The following SLC26A6 variants were observed in gnomAD, a reference collection of about 807,000 sequenced individuals.
The protein encoded by SLC26A6 is solute carrier family 26 member 6.
SLC26A6 carries 67 observed loss-of-function variants against 87.1 expected under a neutral mutation model. That is an observed-to-expected ratio of 0.77 (90% CI 0.63 to 0.94). The LOEUF (loss-of-function observed/expected upper bound fraction) is 0.94, where lower values mean the gene tolerates loss of function less well. Among genes scored for constraint, SLC26A6 ranks in the 40% least tolerant of loss-of-function variants. The pLI is 0.00. For missense variants in SLC26A6, 902 were observed against 973.0 expected (o/e 0.93, Z 0.97); for synonymous variants, 414 against 405.9 (o/e 1.02, Z -0.24).
chr3:48,634,545 C>G (rs2046900855), intron 1 of SLC26A6, among the ~76,000 whole-genome samples: 1 of 152,190 alleles, frequency 6.6e-6, no homozygotes, highest in Non-Finnish European at 1.5e-5. Flanking sequence ...AGAGAAAGCT[C>G]TGACCTCGGG....
At chr3:48,634,415 T>C (rs1295840254) in intron 1 of SLC26A6, 1 of 152,220 alleles carries the variant, frequency 6.6e-6, no homozygotes, top group Non-Finnish European at 1.5e-5. Context: ...CCTGGCAAGT[T>C]CTGATACAGG....
chr3:48,632,217 G>T (rs1408656996), intron 5 of SLC26A6, 28 bp downstream of exon 5: 1 of 1,571,828 alleles, frequency 6.4e-7, no homozygotes, highest in African/African-American at 1.3e-5. Context: ...GTGGTGGTGG[G>T]GGGCACATAC....
chr3:48,629,501 C>T, intron 14 of SLC26A6, 141 bp downstream of exon 14: 2 of 876,728 alleles, frequency 2.3e-6, no homozygotes, highest in Non-Finnish European at 3.5e-6. Context: ...TAGACCTAAA[C>T]TCCTCCCTTG....
In SLC26A6 at chr3:48,633,320, G is replaced by T; in HGVS notation, c.253C>A (p.Pro85Thr). 6.2e-7 allele frequency: 1 copy of T among 1,613,626 alleles called. No homozygotes were observed. Among genetic ancestry groups the T allele is most frequent in the Non-Finnish European group, 8.5e-7 (1 of 1,180,012 alleles). ...LPVLVWLPRY[P>T]VRDWLLGDLL... ...TCACCCAGGAGCCAGTCACGCACAGGATACCGGGGTAACCAGACCAAAACC... is the reference window on the plus strand; with the variant it reads ...TCACCCAGGAGCCAGTCACGCACAGTATACCGGGGTAACCAGACCAAAACC... Residue 85 changes from proline to threonine, a missense_variant, in exon 3 of 21, where the codon CCT (proline) becomes ACT (threonine). Pro to Thr is a conservative substitution (Grantham distance 38). This residue lies in a region of SLC26A6 where 800 missense variants were observed against 856.8 expected (regional missense o/e 0.93). Transcript: ENST00000395550.
rs1380417990 is a variant in SLC26A6 at position 48,628,557 on chromosome 3, A to C, written c.1693-16T>G. 4 of 1,614,078 alleles carry C rather than the reference A, an allele frequency of 2.5e-6. No homozygotes were observed. Among genetic ancestry groups the C allele is most frequent in the Non-Finnish European group, 3.4e-6 (4 of 1,179,978 alleles). On this transcript the variant is annotated splice_polypyrimidine_tract_variant and intron_variant, in intron 15 of 20. Transcript: ENST00000395550. The surrounding 1 kb of genome is among the most constrained non-coding windows in gnomAD (Gnocchi z 4.4). ...CCACACCACACTGGAGGCAAACATC[A>C]GAGAAGGGTTGGTGAGCTCTCTGGG...
Position 48,628,038 on chromosome 3 carries a change from C to T in SLC26A6, c.1801G>A (p.Ala601Thr). 1 of 1,571,120 alleles carries T rather than the reference C, an allele frequency of 6.4e-7. No homozygotes were observed. The highest frequency in any genetic ancestry group is 2.3e-5 in the East Asian group (1 of 43,288). The change falls in exon 17 of 21, where the codon GCT becomes ACT. Residue 601 changes from alanine to threonine, a missense_variant and splice_region_variant. Physicochemically the swap from Ala to Thr is moderately conservative, Grantham distance 58. This residue lies in a region of SLC26A6 where 800 missense variants were observed against 856.8 expected (regional missense o/e 0.93). Coordinates refer to ENST00000395550, the MANE Select transcript of SLC26A6 (RefSeq NM_022911.3). This position sits in a 1 kb window ranked among gnomAD's most constrained non-coding sequence, Gnocchi z 4.4. ...ACTGAGGCGCCCTTGGGGGAGGCAGCCTACACCAGGGAAGACAGGGAATGG... is the reference window on the plus strand; with the variant it reads ...ACTGAGGCGCCCTTGGGGGAGGCAGTCTACACCAGGGAAGACAGGGAATGG... ...LQKEEKLRKQ[A>T]ASPKGASVSI...
intron 11 of SLC26A6, 132 bp from the exon 12 acceptor site, chr3:48,630,289 G>A: frequency 7.7e-7 from 1 of 1,305,314 alleles, no homozygotes; most frequent in Non-Finnish European, 1.1e-6. Flanking sequence ...CCCAGCCCCT[G>A]ACCCTTGTCT....
rs1364432516 is a variant in SLC26A6 at position 48,628,992 on chromosome 3, T to G, written c.1600-278A>C. ...TCTTGGGTTTCCAACCCCTGCCTTG[T>G]GTTCTGTTTTCTGCACCCAGACAGA... On this transcript the variant is annotated intron_variant, in intron 14 of 20. Coordinates refer to ENST00000395550, the MANE Select transcript of SLC26A6 (RefSeq NM_022911.3). This position sits in a 1 kb window ranked among gnomAD's most constrained non-coding sequence, Gnocchi z 4.4. 6.6e-6 allele frequency among the ~76,000 whole-genome samples: 1 copy of G among 152,144 alleles called. No individual in the cohort carries two copies. The highest frequency in any genetic ancestry group is 1.5e-5 in the Non-Finnish European group (1 of 68,018).
chr3:48,628,027 G>T lies in SLC26A6; in HGVS notation c.1812C>A (p.Pro604=), dbSNP rs528062612. 2 of 1,578,094 alleles carry T rather than the reference G, an allele frequency of 1.3e-6. No individual in the cohort carries two copies. The highest frequency in any genetic ancestry group is 1.2e-5 in the South Asian group (1 of 84,806). ...EEKLRKQAAS[P]KGASVSINVN... is the part of the protein sequence containing the mutation. ...CATTAATGGAAACTGAGGCGCCCTT[G>T]GGGGAGGCAGCCTACACCAGGGAAG... The change falls in exon 17 of 21, where the codon CCC becomes CCA. Residue 604 remains proline, a synonymous_variant. Coordinates refer to ENST00000395550, the MANE Select transcript of SLC26A6 (RefSeq NM_022911.3). This position sits in a 1 kb window ranked among gnomAD's most constrained non-coding sequence, Gnocchi z 4.4.
intron 1 of SLC26A6, chr3:48,634,845 C>T (rs562632059): frequency 1.3e-6 from 1 of 754,360 alleles, no homozygotes; most frequent in African/African-American, 1.9e-5. Flanking sequence ...GCCCCCTCTC[C>T]TTTCCTACGT....
At position 48,635,403 on chromosome 3, in the gene SLC26A6, G is replaced by A. The variant is rs150438742; in HGVS notation, c.-10C>T. 11,499 of 1,582,488 alleles carry A rather than the reference G, an allele frequency of 7.3e-3. 61 individuals carry two copies. Among genetic ancestry groups the A allele is most frequent in the Non-Finnish European group, 8.4e-3 (9,806 of 1,165,532 alleles). On this transcript the variant is annotated 5_prime_UTR_variant, in exon 1 of 21. Coordinates refer to ENST00000395550, the MANE Select transcript of SLC26A6 (RefSeq NM_022911.3). ...CATCCGCCAGCCCCATGGCTCGCAA[G>A]TTGTCCGGTGCGGGCTGCTCCTGCT...
chr3:48,633,674 C>T (rs1389473423), intron 1 of SLC26A6, 39 bp from the exon 2 acceptor site: 1 of 1,604,882 alleles, frequency 6.2e-7, no homozygotes, highest in South Asian at 1.1e-5. Flanking sequence ...TGAAGGCATC[C>T]CTGGCCCAAC....
In SLC26A6 at chr3:48,628,573, G is replaced by A; in HGVS notation, c.1693-32C>T. On this transcript the variant is annotated intron_variant, in intron 15 of 20. Coordinates refer to ENST00000395550, the MANE Select transcript of SLC26A6 (RefSeq NM_022911.3). This position sits in a 1 kb window ranked among gnomAD's most constrained non-coding sequence, Gnocchi z 4.4. Reference sequence around the variant, plus strand: ...GCAAACATCAGAGAAGGGTTGGTGAGCTCTCTGGGAGCTGGGGCCTGACAC... The same window carrying A: ...GCAAACATCAGAGAAGGGTTGGTGAACTCTCTGGGAGCTGGGGCCTGACAC... 1 of 1,614,028 alleles carries A rather than the reference G, an allele frequency of 6.2e-7. No homozygotes were observed.
At position 48,629,673 on chromosome 3, in the gene SLC26A6, T is replaced by G. The variant is rs2046724810; in HGVS notation, c.1568A>C (p.Asp523Ala). The G allele has an allele frequency of 6.2e-7, 1 of 1,613,406 alleles. No individual in the cohort carries two copies. Among genetic ancestry groups the G allele is most frequent in the African/African-American group, 1.3e-5 (1 of 74,964 alleles). ...YSVLGQVPDT[D>A]IYRDVAEYSE... ...GTACTCTGCCACATCTCTGTAAATATCCGTGTCTGGCACCTGCCCCAGGAC... is the reference window on the plus strand; with the variant it reads ...GTACTCTGCCACATCTCTGTAAATAGCCGTGTCTGGCACCTGCCCCAGGAC... Residue 523 changes from aspartate (D) to alanine (A), a missense_variant, in exon 14 of 21, where the codon GAT becomes GCT. Around this residue, in one of 3 missense-constraint regions of SLC26A6, gnomAD observed 800 missense variants for 856.8 expected, o/e 0.93. Transcript: ENST00000395550.
rs775475155 is a variant in SLC26A6 at position 48,631,974 on chromosome 3, G to A, written c.656C>T (p.Thr219Ile). 7 of 1,613,398 alleles carry A rather than the reference G, an allele frequency of 4.3e-6. No individual in the cohort carries two copies. Among genetic ancestry groups the A allele is most frequent in the Non-Finnish European group, 5.9e-6 (7 of 1,180,026 alleles). ...GAAGACCTGCACAGCTGCAGCTGTG[G>A]TATAGCCTCGGACAAGAGGTTCTGA... is the stretch of plus-strand genomic sequence containing the variant. Reference protein sequence around the residue: ...YLSEPLVRGYTTAAAVQVFVS... With the variant: ...YLSEPLVRGYITAAAVQVFVS... Residue 219 changes from threonine (T) to isoleucine (I), a missense_variant, in exon 6 of 21, where the codon ACC becomes ATC. Thr to Ile is a moderately conservative substitution (Grantham distance 89). Around this residue, in one of 3 missense-constraint regions of SLC26A6, gnomAD observed 800 missense variants for 856.8 expected, o/e 0.93. Transcript: ENST00000395550.
At chr3:48,626,402 C>T in intron 19 of SLC26A6, 48 bp from the exon 20 acceptor site, 1 of 1,612,478 alleles carries the variant, frequency 6.2e-7, no homozygotes, top group Non-Finnish European at 8.5e-7. Flanking sequence ...CCTCTAGGAA[C>T]TCAACTCCCG....
chr3:48,634,563 C>G (rs2046901786), intron 1 of SLC26A6, among the ~76,000 whole-genome samples: 1 of 152,138 alleles, frequency 6.6e-6, no homozygotes, highest in African/African-American at 2.4e-5. Context: ...GGGCGAGGCT[C>G]CCACGTGGAA....
In SLC26A6 at chr3:48,628,331, G is replaced by C; in HGVS notation, c.1800+103C>G. The stretch of plus-strand genomic sequence containing the variant: ...TGGGAGCATGAGGGAGAAAGGGGAA[G>C]GGATGAGGAGTGAGGACGAGGGAGG... On this transcript the variant is annotated intron_variant, in intron 16 of 20. Transcript: ENST00000395550. The surrounding 1 kb of genome is among the most constrained non-coding windows in gnomAD (Gnocchi z 4.4). 2 of 1,461,598 alleles carry C rather than the reference G, an allele frequency of 1.4e-6. No homozygotes were observed. Among genetic ancestry groups the C allele is most frequent in the Non-Finnish European group, 1.9e-6 (2 of 1,064,864 alleles). 90.5% of individuals were successfully genotyped at this position (1,461,598 alleles called of 1,614,324 possible). A position where few individuals can be genotyped will look rare whatever the true frequency, so the allele number is the denominator to read the frequency against.
At chr3:48,630,928 C>A in intron 9 of SLC26A6, 65 bp downstream of exon 9, 2 of 1,593,228 alleles carry the variant, frequency 1.3e-6, no homozygotes, top group Non-Finnish European at 1.7e-6. Context: ...ACCGGTTCCT[C>A]CCCCACCCGT....
Sources: gnomAD v4.1 joint callset for allele counts (sites outside exome capture counted in the v4.1 genomes callset) on GRCh38, gnomAD v4.1.1 for gene constraint, gnomAD v4.1.1 regional missense constraint, Gnocchi (gnomAD v3.1) non-coding constraint, MANE v1.5 for transcripts, NCBI Gene and HGNC (gene_info 2026-07-23, HGNC 2026-07-21) for gene names.